BCL11B: variants seen among roughly 807,000 people sequenced by gnomAD.
BCL11B encodes the protein BCL11 transcription factor B.
Under a neutral mutation model 49.9 loss-of-function variants are expected in BCL11B, and 8 were observed. The observed-to-expected ratio is 0.16, with a 90% CI of 0.09 to 0.29. The LOEUF (loss-of-function observed/expected upper bound fraction) is 0.29, where lower values mean the gene tolerates loss of function less well. BCL11B is among the 10% of genes least tolerant of loss of function. The pLI is 1.00. For missense variants in BCL11B, 1,006 were observed against 1,351.0 expected, an observed-to-expected ratio of 0.74 and a Z score of 4.00; for synonymous variants, 739 against 637.4, an observed-to-expected ratio of 1.16 and a Z score of -2.40.
chr14:99,185,372 G>A (rs1323261702), intron 3 of BCL11B, among the ~76,000 whole-genome samples: 1 of 151,842 alleles, frequency 6.6e-6, no homozygotes, highest in Non-Finnish European at 1.5e-5. Context: ...AGGAGGCGGA[G>A]GTTGCGGTGA....
rs547783270 is a variant in BCL11B at position 99,190,412 on chromosome 14, C to T, written c.641-14217G>A. Among the ~76,000 whole-genome samples, 4 of 152,348 alleles carry T rather than the reference C, an allele frequency of 2.6e-5. No individual in the cohort carries two copies. In the East Asian group the frequency reaches 7.7e-4, roughly 29 times the overall value. ...TTGAGGCAGGAGAATCGCTTGAACCCGGGAAGTGGAGGTTGCAGTGAGCCG... is the reference window on the plus strand; with the variant it reads ...TTGAGGCAGGAGAATCGCTTGAACCTGGGAAGTGGAGGTTGCAGTGAGCCG... On this transcript the variant is annotated intron_variant, in intron 3 of 3. Transcript: ENST00000357195.
intron 2 of BCL11B, among the ~76,000 whole-genome samples, chr14:99,240,416 G>A (rs746307206): frequency 6.6e-6 from 1 of 152,046 alleles, no homozygotes; most frequent in Non-Finnish European, 1.5e-5. Flanking sequence ...ATAGAAGACC[G>A]AGGTTCAGTG....
At chr14:99,238,099 G>C (rs1342429197) in intron 2 of BCL11B, among the ~76,000 whole-genome samples, 2 of 152,120 alleles carry the variant, frequency 1.3e-5, no homozygotes, top group African/African-American at 4.8e-5. Context: ...CACCCACCGT[G>C]AGAAGGCTTG....
At chr14:99,216,939 CAT>C (rs562875882) in intron 3 of BCL11B, among the ~76,000 whole-genome samples, 373 of 152,252 alleles carry the variant, frequency 2.4e-3, no homozygotes, top group African/African-American at 8.4e-3. Flanking sequence ...CAAATATCCA[CAT>C]GTGTACACAC....
At chr14:99,177,772 CCTGT>C (rs1361886394) in intron 3 of BCL11B, among the ~76,000 whole-genome samples, 2 of 151,928 alleles carry the variant, frequency 1.3e-5, no homozygotes, top group Non-Finnish European at 2.9e-5. Context: ...AAAACAGTCC[CCTGT>C]CTCACTCTCT....
At chr14:99,231,000 A>G (rs981616799) in intron 3 of BCL11B, among the ~76,000 whole-genome samples, 1 of 146,148 alleles carries the variant, frequency 6.8e-6, no homozygotes, top group Non-Finnish European at 1.5e-5. Context: ...GGGGTGGGGG[A>G]GGGGGTGGCA....
Position 99,170,294 on chromosome 14 carries a change from G to A in BCL11B, c.*3857C>T. The A allele has an allele frequency of 4.5e-6, 1 of 221,706 alleles. No individual in the cohort carries two copies. The highest frequency in any genetic ancestry group is 9.0e-6 in the Non-Finnish European group (1 of 110,676). 13.7% of individuals were successfully genotyped at this position (221,706 alleles called of 1,614,324 possible). On this transcript the variant is annotated 3_prime_UTR_variant, in exon 4 of 4. Coordinates refer to ENST00000357195, the MANE Select transcript of BCL11B (RefSeq NM_138576.4). ...TAACTTTGCAAAGGTAAGTGGCAAG[G>A]AGGAAAGAGTGCATCGAACAGAAAA...
At chr14:99,181,623 T>C (rs1886705624) in intron 3 of BCL11B, among the ~76,000 whole-genome samples, 1 of 152,240 alleles carries the variant, frequency 6.6e-6, no homozygotes, top group Non-Finnish European at 1.5e-5. Context: ...TGATGATGTT[T>C]GGTTGGAACC....
Position 99,257,760 on chromosome 14 carries a change from C to A in BCL11B, c.138G>T (p.Leu46=). ...GGTCAGGGTCGGGGCCACCCACCAT[C>A]AGCCCCAGGCCACTTGGCTCCTCTA... ...LEIEEPSGLG[L]MVGGPDPDLL... is the part of the protein sequence containing the mutation. Residue 46 remains leucine, a synonymous_variant, in exon 2 of 4, where the codon CTG becomes CTT. Transcript: ENST00000357195. This position sits in a 1 kb window ranked among gnomAD's most constrained non-coding sequence, Gnocchi z 6.2. 6.2e-7 allele frequency: 1 copy of A among 1,604,590 alleles called. No individual in the cohort carries two copies. Among genetic ancestry groups the A allele is most frequent in the Non-Finnish European group, 8.5e-7 (1 of 1,173,814 alleles).
Position 99,231,318 on chromosome 14 carries a change from GC to G in BCL11B, c.640+26del, listed in dbSNP as rs756324021. ...GCACACCCCGCCATCCCGGGGGCCC[GC>G]CCCCCACCGCGGCGTCGTCTGTTAC... On this transcript the variant is annotated intron_variant, in intron 3 of 3. Transcript: ENST00000357195. The surrounding 1 kb of genome is among the most constrained non-coding windows in gnomAD (Gnocchi z 8.1). 2.5e-6 allele frequency: 4 copies of G among 1,601,958 alleles called. No individual in the cohort carries two copies. Among genetic ancestry groups the G allele is most frequent in the Non-Finnish European group, 3.4e-6 (4 of 1,175,004 alleles).
chr14:99,244,086 C>T (rs930104346), intron 2 of BCL11B, among the ~76,000 whole-genome samples: 1 of 152,174 alleles, frequency 6.6e-6, no homozygotes, highest in African/African-American at 2.4e-5. Flanking sequence ...CAGTTCTCCT[C>T]GAGGAAGATC....
intron 3 of BCL11B, among the ~76,000 whole-genome samples, chr14:99,180,449 G>A (rs1159171505): frequency 6.6e-6 from 1 of 152,112 alleles, no homozygotes; most frequent in East Asian, 1.9e-4. Context: ...CAGAGCCCCA[G>A]GACATCTTTC....
intron 2 of BCL11B, among the ~76,000 whole-genome samples, chr14:99,251,709 T>C (rs1889012047): frequency 6.6e-6 from 1 of 152,148 alleles, no homozygotes. Context: ...CTGAAGGCCA[T>C]GGTCCCTGGG....
intron 2 of BCL11B, among the ~76,000 whole-genome samples, chr14:99,252,706 C>T (rs1182802427): frequency 3.3e-5 from 5 of 152,258 alleles, no homozygotes; most frequent in South Asian, 4.1e-4. Flanking sequence ...TGCCTGTCTC[C>T]GCACTTCTCC....
In BCL11B at chr14:99,176,150, G is replaced by A. The variant is rs769798100; in HGVS notation, c.686C>T (p.Pro229Leu). The change falls in exon 4 of 4, where the codon CCC (proline) becomes CTC (leucine). Residue 229 changes from proline to leucine, a missense_variant. By Grantham distance (98) the Pro-to-Leu change is moderately conservative. Transcript: ENST00000357195. ...CAGCAGGAACCACGCGCTGTTGAAG[G>A]GCTGCTTGCATGTTGTGCAAATGTA... ...SSYICTTCKQ[P>L]FNSAWFLLQH... 5 of 1,612,346 alleles carry A rather than the reference G, an allele frequency of 3.1e-6. No individual in the cohort carries two copies. The highest frequency in any genetic ancestry group is 4.2e-6 in the Non-Finnish European group (5 of 1,179,132).
rs1215471674 is a variant in BCL11B, at chr14:99,228,999, GATGA to G, written c.640+2342_640+2345del. Among the ~76,000 whole-genome samples the G allele has an allele frequency of 2.2e-4, 33 of 147,066 alleles. No individual in the cohort carries two copies. Among genetic ancestry groups the G allele is most frequent in the Non-Finnish European group, 4.1e-4 (27 of 66,250 alleles). ...GCATGGATGGATGGATGGCTACATG[GATGA>G]ATGGATGGATGGATGGATGGATGGA... On this transcript the variant is annotated intron_variant, in intron 3 of 3. Transcript: ENST00000357195. The surrounding 1 kb of genome is among the most constrained non-coding windows in gnomAD (Gnocchi z 4.8).
rs1387091169 is a variant in BCL11B, at chr14:99,192,446, G to A, written c.641-16251C>T. On this transcript the variant is annotated intron_variant, in intron 3 of 3. Transcript: ENST00000357195. This position sits in a 1 kb window ranked among gnomAD's most constrained non-coding sequence, Gnocchi z 4.0. ...CTGGTGCTTTCAATCAAGAAACGTG[G>A]CTCTCGTTAGAAGGCAGAAAATAAA... 6.6e-6 allele frequency among the ~76,000 whole-genome samples: 1 copy of A among 152,180 alleles called. No individual in the cohort carries two copies. The highest frequency in any genetic ancestry group is 1.5e-5 in the Non-Finnish European group (1 of 68,034).
At chr14:99,254,784 G>A (rs1024691515) in intron 2 of BCL11B, among the ~76,000 whole-genome samples, 1 of 152,256 alleles carries the variant, frequency 6.6e-6, no homozygotes, top group Non-Finnish European at 1.5e-5. Context: ...GGAAGCCTGG[G>A]CGGAGAAGTG....
chr14:99,206,097 G>A (rs1887526515), intron 3 of BCL11B, among the ~76,000 whole-genome samples: 1 of 152,216 alleles, frequency 6.6e-6, no homozygotes, highest in Admixed American at 6.5e-5. Context: ...AGGAGCAGAG[G>A]CAGAGGGTGA....
Sources: gnomAD v4.1 joint callset for allele counts (sites outside exome capture counted in the v4.1 genomes callset) on GRCh38, gnomAD v4.1.1 for gene constraint, Gnocchi (gnomAD v3.1) non-coding constraint, MANE v1.5 for transcripts, NCBI Gene and HGNC (gene_info 2026-07-23, HGNC 2026-07-21) for gene names.